RARS2: variants seen among roughly 807,000 people sequenced by gnomAD.
RARS2 encodes the protein probable arginine--tRNA ligase, mitochondrial.
In RARS2, 67 loss-of-function variants were observed where a neutral mutation model predicts 88.5. The ratio of observed to expected loss-of-function variants is 0.76; its 90% confidence interval spans 0.62 to 0.93. The LOEUF is 0.93. RARS2 is among the 40% of genes least tolerant of loss of function. RARS2 has a pLI of 0.00. For synonymous variants in RARS2, 239 were observed against 230.3 expected (o/e 1.04, Z -0.34); for missense variants, 664 against 684.2 (o/e 0.97, Z 0.33).
chr6:87,570,896 T>C (rs1421672405), intron 1 of RARS2, among the ~76,000 whole-genome samples: 1 of 152,180 alleles, frequency 6.6e-6, no homozygotes, highest in Non-Finnish European at 1.5e-5. Flanking sequence ...ACCTTAATTT[T>C]TCTTTGCAAC....
chr6:87,564,663 C>G (rs1279401331), intron 2 of RARS2: 3 of 268,700 alleles, frequency 1.1e-5, no homozygotes, highest in Middle Eastern at 1.4e-3. Flanking sequence ...GAGCGAAACT[C>G]TGTCTCAAAA....
At chr6:87,563,492 G>A (rs576940098) in intron 3 of RARS2, among the ~76,000 whole-genome samples, 35 of 152,234 alleles carry the variant, frequency 2.3e-4, no homozygotes, top group Middle Eastern at 6.8e-3. Context: ...CTTTTTCTAT[G>A]ATAGTGACTT....
chr6:87,516,150 T>C (rs7757446), intron 18 of RARS2, among the ~76,000 whole-genome samples: 9,663 of 152,220 alleles, frequency 0.063, 386 homozygotes, highest in African/African-American at 0.12. Context: ...TAAATGGCTT[T>C]ACAGAAGATA....
chr6:87,527,641 G>A (rs747461466), intron 10 of RARS2, among the ~76,000 whole-genome samples: 23 of 152,114 alleles, frequency 1.5e-4, no homozygotes, highest in Non-Finnish European at 2.8e-4. Flanking sequence ...AAGAAAATAC[G>A]TGGAAAACAT....
intron 14 of RARS2, 195 bp from the exon 15 acceptor site, chr6:87,519,086 C>A (rs1362868459): frequency 3.4e-6 from 2 of 585,980 alleles, no homozygotes; most frequent in East Asian, 3.0e-5. Flanking sequence ...GGAAAGAAAT[C>A]CAAATTTATT....
Position 87,514,511 on chromosome 6 carries a change from A to T in RARS2, c.1651-12T>A. On this transcript the variant is annotated splice_polypyrimidine_tract_variant and intron_variant, in intron 19 of 19. Transcript: ENST00000369536. ...AGATGAAGTCTGGCCTACAAAATAA[A>T]TCAAAGAATGATTTAAAATATTCAG... The T allele has an allele frequency of 6.3e-7, 1 of 1,591,638 alleles. No homozygotes were observed. The highest frequency in any genetic ancestry group is 8.6e-7 in the Non-Finnish European group (1 of 1,159,770).
chr6:87,555,145 A>G (rs565076532), intron 5 of RARS2, among the ~76,000 whole-genome samples: 1 of 150,236 alleles, frequency 6.7e-6, no homozygotes, highest in South Asian at 2.1e-4. Context: ...ATAAATAAAT[A>G]AAGTGAATAA....
rs543064074 is a variant in RARS2, at chr6:87,515,447, G to C, written c.1587-427C>G. Among the ~76,000 whole-genome samples, 179 of 151,664 alleles carry C rather than the reference G, an allele frequency of 1.2e-3. 2 individuals are homozygous for C. Among genetic ancestry groups the C allele is most frequent in the Non-Finnish European group, 8.1e-4 (55 of 67,870 alleles). On this transcript the variant is annotated intron_variant, in intron 18 of 19. Coordinates refer to ENST00000369536, the MANE Select transcript of RARS2 (RefSeq NM_020320.5). ...AGGCAGGAGAATGGCGTGAACCCAG[G>C]AGGCAGAGCTTGCAGTGAGCCGAGA...
chr6:87,525,675 A>C (rs866662492), intron 10 of RARS2, among the ~76,000 whole-genome samples: 7 of 151,932 alleles, frequency 4.6e-5, no homozygotes, highest in African/African-American at 1.7e-4. Context: ...CAGCCTCTCA[A>C]GTAGCTGGAA....
At chr6:87,555,340 T>C in intron 5 of RARS2, 68 bp downstream of exon 5, 3 of 1,192,534 alleles carry the variant, frequency 2.5e-6, no homozygotes, top group Non-Finnish European at 3.7e-6. Context: ...CCCCAAATAA[T>C]GATGGTAATA....
At chr6:87,548,279 A>G (rs1312371354) in intron 6 of RARS2, among the ~76,000 whole-genome samples, 1 of 152,150 alleles carries the variant, frequency 6.6e-6, no homozygotes, top group Admixed American at 6.5e-5. Context: ...ACATCCCCAC[A>G]TAACTATTTT....
intron 8 of RARS2, among the ~76,000 whole-genome samples, chr6:87,536,241 TGATAA>T (rs1779138427): frequency 6.6e-6 from 1 of 152,230 alleles, no homozygotes; most frequent in Non-Finnish European, 1.5e-5. Flanking sequence ...AAAGGAAGCC[TGATAA>T]GTTACCTTTA....
chr6:87,537,642 A>C (rs985708990), intron 8 of RARS2, among the ~76,000 whole-genome samples: 6 of 152,202 alleles, frequency 3.9e-5, no homozygotes, highest in Non-Finnish European at 7.3e-5. Flanking sequence ...GGTAAGGAAG[A>C]CATGGTCCTT....
chr6:87,555,344 G>A, intron 5 of RARS2, 64 bp downstream of exon 5: 1 of 1,232,080 alleles, frequency 8.1e-7, no homozygotes, highest in South Asian at 1.2e-5. Context: ...AAATAATGAT[G>A]GTAATAACAC....
At chr6:87,519,828 A>G (rs1773268954) in intron 13 of RARS2, 121 bp from the exon 14 acceptor site, 2 of 1,178,882 alleles carry the variant, frequency 1.7e-6, no homozygotes, top group African/African-American at 1.5e-5. Flanking sequence ...AAAAATTAAT[A>G]AAATGAAATT....
At chr6:87,531,320 T>C (rs1185720851) in intron 8 of RARS2, among the ~76,000 whole-genome samples, 1 of 152,198 alleles carries the variant, frequency 6.6e-6, no homozygotes, top group African/African-American at 2.4e-5. Flanking sequence ...AGGGTAAGAA[T>C]ACCTATTTAA....
chr6:87,523,163 T>C (rs1419738482), intron 11 of RARS2, among the ~76,000 whole-genome samples: 2 of 152,152 alleles, frequency 1.3e-5, no homozygotes, highest in Non-Finnish European at 2.9e-5. Flanking sequence ...CAAAGGGAAA[T>C]TTTTTGATTC....
intron 13 of RARS2, among the ~76,000 whole-genome samples, 158 bp from the exon 14 acceptor site, chr6:87,519,865 G>A (rs556097893): frequency 1.4e-4 from 22 of 152,270 alleles, no homozygotes; most frequent in African/African-American, 3.9e-4. Context: ...TACAAAGGAC[G>A]TTAAGCACAG....
chr6:87,534,205 T>C (rs145840879), intron 8 of RARS2, among the ~76,000 whole-genome samples: 85 of 152,296 alleles, frequency 5.6e-4, no homozygotes, highest in Middle Eastern at 3.4e-3. Flanking sequence ...AATGTATCAA[T>C]ACTGCAAACA....
Sources: gnomAD v4.1 joint callset for allele counts (sites outside exome capture counted in the v4.1 genomes callset) on GRCh38, gnomAD v4.1.1 for gene constraint, MANE v1.5 for transcripts, NCBI Gene and HGNC (gene_info 2026-07-23, HGNC 2026-07-21) for gene names.